TTC21A: variants seen among roughly 807,000 people sequenced by gnomAD.
TTC21A encodes tetratricopeptide repeat protein 21A.
TTC21A carries 128 observed loss-of-function variants against 156.4 expected under a neutral mutation model. The ratio of observed to expected loss-of-function variants is 0.82; its 90% CI spans 0.71 to 0.95. The LOEUF is 0.95. Ranked by LOEUF, TTC21A falls within the 40% of genes least tolerant of loss-of-function variation. The pLI is 0.00. For synonymous variants in TTC21A, 587 were observed against 617.1 expected, an observed-to-expected ratio of 0.95 and a Z score of 0.72; for missense variants, 1,435 against 1,602.3, an observed-to-expected ratio of 0.90 and a Z score of 1.78.
rs776339187 is a variant in TTC21A at position 39,134,457 on chromosome 3, C to T, written c.2862+129C>T. ...CACTGACACACCTCTGAGGAGCTGT[C>T]GGGCAGAGAGGACTCAGTGCTGCAC... On this transcript the variant is annotated intron_variant, in intron 21 of 28. Coordinates refer to ENST00000683103, the MANE Select transcript of TTC21A (RefSeq NM_001366900.1). This position sits in a 1 kb window ranked among gnomAD's most constrained non-coding sequence, Gnocchi z 4.6. 2.8e-5 allele frequency: 21 copies of T among 761,552 alleles called. No homozygotes were observed. The highest frequency in any genetic ancestry group is 4.5e-5 in the Non-Finnish European group (19 of 419,974). 47.2% of individuals were successfully genotyped at this position (761,552 alleles called of 1,614,324 possible).
In TTC21A at chr3:39,133,178, G is replaced by A; in HGVS notation, c.2689G>A (p.Glu897Lys). The A allele has an allele frequency of 1.2e-6, 2 of 1,614,250 alleles. No homozygotes were observed. Among genetic ancestry groups the A allele is most frequent in the Non-Finnish European group, 1.7e-6 (2 of 1,180,044 alleles). The change falls in exon 20 of 29, where the codon GAG becomes AAG. Residue 897 changes from glutamate (E) to lysine (K), a missense_variant. By Grantham distance (56) the Glu-to-Lys change is moderately conservative. Transcript: ENST00000683103. ...QFAEHYLAEK[E>K]YDKAVQSYKD... ...TGCAGAGCACTACCTGGCAGAGAAA[G>A]AGTATGACAAGGCGGTACAGTCTTA...
chr3:39,113,799 G>A (rs1369905135), intron 5 of TTC21A, among the ~76,000 whole-genome samples: 1 of 152,236 alleles, frequency 6.6e-6, no homozygotes, highest in Non-Finnish European at 1.5e-5. Flanking sequence ...TACCAACCCA[G>A]TCCCCTATTG....
chr3:39,112,462 A>T lies in TTC21A; in HGVS notation c.440A>T (p.Tyr147Phe). 1 of 1,614,038 alleles carries T rather than the reference A, an allele frequency of 6.2e-7. No individual in the cohort carries two copies. Among genetic ancestry groups the T allele is most frequent in the Non-Finnish European group, 8.5e-7 (1 of 1,179,966 alleles). Residue 147 changes from tyrosine (Y) to phenylalanine (F), a missense_variant, in exon 5 of 29, where the codon TAT (tyrosine) becomes TTT (phenylalanine). Coordinates refer to ENST00000683103, the MANE Select transcript of TTC21A (RefSeq NM_001366900.1). Reference protein sequence around the residue: ...LKISRGFREAYVLRGWVDLTS... With the variant: ...LKISRGFREAFVLRGWVDLTS... ...TTCATCTTGTTCTCATCCCAGGCCT[A>T]TGTGCTCAGAGGCTGGGTGGACCTG... is the stretch of plus-strand genomic sequence containing the variant.
intron 1 of TTC21A, among the ~76,000 whole-genome samples, chr3:39,108,554 G>A (rs544674015): frequency 4.6e-5 from 7 of 152,250 alleles, no homozygotes; most frequent in African/African-American, 1.7e-4. Context: ...GGCCCATGAG[G>A]ATGTTTACAG....
chr3:39,108,786 T>C (rs2036512408), intron 1 of TTC21A, among the ~76,000 whole-genome samples: 3 of 152,154 alleles, frequency 2.0e-5, no homozygotes, highest in South Asian at 2.1e-4. Flanking sequence ...TCCTCATTTT[T>C]CCCCCCTTAT....
At chr3:39,136,104 A>T (rs770478586) in intron 22 of TTC21A, 1 of 302,140 alleles carries the variant, frequency 3.3e-6, no homozygotes, top group Non-Finnish European at 6.1e-6. Flanking sequence ...TGCAGTTAAT[A>T]TATAGGTAAA....
rs934851550 is a variant in TTC21A at position 39,135,249 on chromosome 3, C to T, written c.2944+75C>T. The T allele has an allele frequency of 1.9e-5, 24 of 1,265,066 alleles. No homozygotes were observed. In the Middle Eastern group the frequency reaches 1.2e-3, roughly 61 times the overall value. The allele number at this position is 1,265,066 out of a possible 1,614,324, so 78.4% of individuals were successfully genotyped here. ...CCGCTCTCCCAGAGAAGGGTGGGAC[C>T]TCTCCCTCCTTCCTGACTGGGCAGA... is the stretch of plus-strand genomic sequence containing the variant. On this transcript the variant is annotated intron_variant, in intron 22 of 28. Transcript: ENST00000683103.
Position 39,133,245 on chromosome 3 carries a change from G to A in TTC21A, c.2751+5G>A. ...TACTTGCCAACTGACAATAAGGTGA[G>A]TGGCCCTCAAAGCAAGAGGCTGCTT... On this transcript the variant is annotated splice_donor_5th_base_variant and intron_variant, in intron 20 of 28. Transcript: ENST00000683103. The A allele has an allele frequency of 1.2e-6, 2 of 1,611,042 alleles. No homozygotes were observed. The highest frequency in any genetic ancestry group is 8.5e-7 in the Non-Finnish European group (1 of 1,177,824).
At chr3:39,126,737 C>A in intron 12 of TTC21A, among the ~76,000 whole-genome samples, 1 of 152,166 alleles carries the variant, frequency 6.6e-6, no homozygotes, top group East Asian at 1.9e-4. Flanking sequence ...AGCTTCCTGA[C>A]CTCTCACCAG....
At chr3:39,136,234 G>GT in intron 22 of TTC21A, 123 bp from the exon 23 acceptor site, 1 of 982,616 alleles carries the variant, frequency 1.0e-6, no homozygotes, top group Non-Finnish European at 1.5e-6. Context: ...CTCTGGAGCT[G>GT]TTGGAATGTC....
rs770930804 is a variant in TTC21A at position 39,135,116 on chromosome 3, A to G, written c.2886A>G (p.Arg962=). 1 of 1,613,696 alleles carries G rather than the reference A, an allele frequency of 6.2e-7. No individual in the cohort carries two copies. Among genetic ancestry groups the G allele is most frequent in the East Asian group, 2.2e-5 (1 of 44,856 alleles). The change falls in exon 22 of 29, where the codon AGA becomes AGG. Residue 962 remains arginine (R), a synonymous_variant. Coordinates refer to ENST00000683103, the MANE Select transcript of TTC21A (RefSeq NM_001366900.1). ...ASVLMADLMF[R]KQKHEAAINL... ...AGTTGATGGCTGACCTGATGTTTAG[A>G]AAACAGAAACATGAAGCGGCCATCA... is the stretch of plus-strand genomic sequence containing the variant.
At chr3:39,131,712 TG>T (rs1054561736) in intron 19 of TTC21A, 3 of 152,238 alleles carry the variant, frequency 2.0e-5, no homozygotes, top group Admixed American at 1.3e-4. Context: ...CATCACATGG[TG>T]GGCGGGGGGT....
rs780455168 is a variant in TTC21A at position 39,121,183 on chromosome 3, T to G, written c.1087T>G (p.Leu363Val). ...ACTGGACAAGGATGGCATGGCTGGT[T>G]TGACAGGTATATGCAGGTGTGGCAG... ...MKLDKDGMAG[L>V]TGIILCHILE... The change falls in exon 9 of 29, where the codon TTG (leucine) becomes GTG (valine). Residue 363 changes from leucine (L) to valine (V), a missense_variant. Transcript: ENST00000683103. The G allele has an allele frequency of 6.2e-7, 1 of 1,612,348 alleles. No homozygotes were observed. The highest frequency in any genetic ancestry group is 1.1e-5 in the South Asian group (1 of 90,860).
intron 12 of TTC21A, among the ~76,000 whole-genome samples, chr3:39,127,702 G>T (rs2038383774): frequency 6.6e-6 from 1 of 152,192 alleles, no homozygotes; most frequent in Non-Finnish European, 1.5e-5. Flanking sequence ...CCCTGAAAGT[G>T]CCAGCCTGTC....
intron 9 of TTC21A, among the ~76,000 whole-genome samples, chr3:39,123,129 A>T (rs113219199): frequency 1.4e-4 from 21 of 152,348 alleles, no homozygotes; most frequent in African/African-American, 4.8e-4. Context: ...TATTATGTCA[A>T]TAAGTAAAGA....
rs377643806 is a variant in TTC21A at position 39,129,126 on chromosome 3, G to A, written c.1951G>A (p.Glu651Lys). Residue 651 changes from glutamate to lysine, a missense_variant, in exon 15 of 29, where the codon GAA becomes AAA. Transcript: ENST00000683103. ...CATCAATGAGTTCGGTGGCACACCA[G>A]AAGAGAACCGCATCACCATTGCCAA... ...DTINEFGGTPEENRITIANVD... is the reference protein window; with the variant it reads ...DTINEFGGTPKENRITIANVD... 1.2e-6 allele frequency: 2 copies of A among 1,614,140 alleles called. No homozygotes were observed. Among genetic ancestry groups the A allele is most frequent in the Non-Finnish European group, 1.7e-6 (2 of 1,180,056 alleles).
At chr3:39,111,164 C>A in intron 4 of TTC21A, 147 bp downstream of exon 4, 1 of 809,662 alleles carries the variant, frequency 1.2e-6, no homozygotes, top group Non-Finnish European at 1.9e-6. Flanking sequence ...CACAGTTGCC[C>A]CACGCGTGTT....
At chr3:39,110,452 T>C in intron 3 of TTC21A, 2 of 512,806 alleles carry the variant, frequency 3.9e-6, no homozygotes, top group Non-Finnish European at 7.1e-6. Flanking sequence ...CAAGCCAATA[T>C]ATATAATTCT....
At chr3:39,110,249 G>T (rs766631704) in intron 3 of TTC21A, 110 bp downstream of exon 3, 1 of 810,690 alleles carries the variant, frequency 1.2e-6, no homozygotes, top group African/African-American at 1.7e-5. Context: ...TGCCCTGGTG[G>T]CTGTGCAGAT....
Sources: allele counts gnomAD v4.1 joint callset (sites outside exome capture counted in the v4.1 genomes callset), GRCh38; gene constraint gnomAD v4.1.1; non-coding constraint Gnocchi (gnomAD v3.1); transcripts MANE v1.5; gene names NCBI Gene and HGNC (gene_info 2026-07-23, HGNC 2026-07-21).